The following AKNA variants were observed in gnomAD, a reference collection of about 807,000 sequenced individuals.
The protein encoded by AKNA is AT-hook transcription factor.
In AKNA, 67 loss-of-function variants were observed where a neutral mutation model predicts 138.8. The ratio of observed to expected loss-of-function variants is 0.48; its 90% CI spans 0.40 to 0.59. The LOEUF is 0.59. Ranked by LOEUF, AKNA falls within the 20% of genes least tolerant of loss-of-function variation. AKNA has a pLI of 0.00. For synonymous variants in AKNA, 737 were observed against 754.4 expected (o/e 0.98, Z 0.38); for missense variants, 1,813 against 1,880.4 (o/e 0.96, Z 0.66).
intron 15 of AKNA, among the ~76,000 whole-genome samples, chr9:114,349,405 A>G (rs1277153329): frequency 6.6e-6 from 1 of 152,110 alleles, no homozygotes; most frequent in Non-Finnish European, 1.5e-5. Flanking sequence ...ACATCCCTGA[A>G]GTTAATTAGT....
At chr9:114,388,692 T>A (rs1466421068), upstream of AKNA, among the ~76,000 whole-genome samples, 2 of 152,170 alleles carry the variant, frequency 1.3e-5, no homozygotes, top group African/African-American at 4.8e-5. Context: ...AGCCCCACCA[T>A]CCCATTCCTT....
chr9:114,342,875 AATGAATGAATGC>A (rs1021595762), intron 19 of AKNA, among the ~76,000 whole-genome samples: 6 of 149,868 alleles, frequency 4.0e-5, no homozygotes, highest in African/African-American at 7.6e-5. Flanking sequence ...TGAATGAATG[AATGAATGAATGC>A]ATGCAGGCAT....
At chr9:114,356,194 G>T (rs1283082257) in intron 13 of AKNA, 58 bp from the exon 14 acceptor site, 101 of 1,521,724 alleles carry the variant, frequency 6.6e-5, no homozygotes, top group Non-Finnish European at 8.7e-5. Flanking sequence ...ACACTCAGGC[G>T]GCAGCATCTG....
At chr9:114,333,992 A>G (rs1420176384), downstream of AKNA, among the ~76,000 whole-genome samples, 1 of 111,750 alleles carries the variant, frequency 8.9e-6, no homozygotes, top group Non-Finnish European at 1.9e-5. Context: ...TCATTGTTTA[A>G]AAGTGTGTAG....
chr9:114,359,468 T>G, intron 11 of AKNA, 126 bp downstream of exon 11: 17 of 1,555,384 alleles, frequency 1.1e-5, no homozygotes, highest in Non-Finnish European at 1.4e-5. Context: ...CATTCCACAC[T>G]TGAAGAGGCA....
In AKNA at chr9:114,337,012, T is replaced by TTGGGGGGGGGGGGGGGGGGGG; in HGVS notation, c.*41_*42insCCCCCCCCCCCCCCCCCCCCA. On this transcript the variant is annotated 3_prime_UTR_variant, in exon 22 of 22. Coordinates refer to ENST00000374088, the MANE Select transcript of AKNA (RefSeq NM_001317950.2). ...CCCACTCCTGGCCTGGCAGGCCACC[T>TTGGGGGGGGGGGGGGGGGGGG]GCCCACCCACCCACCCATCTGCCTC... 1.7e-5 allele frequency: 21 copies of TTGGGGGGGGGGGGGGGGGGGG among 1,208,216 alleles called. No individual in the cohort carries two copies. The highest frequency in any genetic ancestry group is 1.7e-5 in the Non-Finnish European group (16 of 929,344). 74.8% of individuals were successfully genotyped at this position (1,208,216 alleles called of 1,614,324 possible).
At chr9:114,341,213 G>C (rs1830319624) in intron 21 of AKNA, among the ~76,000 whole-genome samples, 1 of 152,160 alleles carries the variant, frequency 6.6e-6, no homozygotes, top group Non-Finnish European at 1.5e-5. Context: ...AAACCCATAA[G>C]GAAAATGGAA....
intron 17 of AKNA, 108 bp downstream of exon 17, chr9:114,346,561 A>C: frequency 1.2e-6 from 1 of 847,294 alleles, no homozygotes; most frequent in Non-Finnish European, 1.8e-6. Context: ...GATGCACAAA[A>C]ACCCTTCTCC....
At chr9:114,357,329 T>A (rs1248159934) in intron 12 of AKNA, among the ~76,000 whole-genome samples, 1 of 152,222 alleles carries the variant, frequency 6.6e-6, no homozygotes, top group Non-Finnish European at 1.5e-5. Flanking sequence ...TATGGTCTTA[T>A]CTGACAGTGG....
At chr9:114,352,372 C>T (rs1276324835) in intron 14 of AKNA, among the ~76,000 whole-genome samples, 1 of 151,864 alleles carries the variant, frequency 6.6e-6, no homozygotes, top group African/African-American at 2.4e-5. Context: ...CTGAGGCGGG[C>T]GGATCACTTG....
chr9:114,382,283 G>A (rs987856840), intron 1 of AKNA, among the ~76,000 whole-genome samples: 1 of 152,136 alleles, frequency 6.6e-6, no homozygotes, highest in Non-Finnish European at 1.5e-5. Context: ...TGAGAGGTGG[G>A]GGAGGATGAT....
intron 9 of AKNA, among the ~76,000 whole-genome samples, chr9:114,360,402 G>A (rs560493421): frequency 3.9e-5 from 6 of 152,280 alleles, no homozygotes; most frequent in African/African-American, 7.2e-5. Context: ...AAGGAGCAGA[G>A]TTGAGATTTA....
downstream of AKNA, among the ~76,000 whole-genome samples, chr9:114,332,871 A>T (rs1306987568): frequency 1.3e-5 from 2 of 152,158 alleles, no homozygotes; most frequent in East Asian, 1.9e-4. Context: ...CCCATTGTAG[A>T]GGCAAGTAAG....
At chr9:114,384,787 G>C (rs1199094896) in intron 1 of AKNA, among the ~76,000 whole-genome samples, 1 of 152,188 alleles carries the variant, frequency 6.6e-6, no homozygotes, top group Non-Finnish European at 1.5e-5. Flanking sequence ...TTTTGGGGGA[G>C]TTAAAAGTTA....
chr9:114,392,553 T>A (rs1456234858), upstream of AKNA, among the ~76,000 whole-genome samples: 5 of 152,254 alleles, frequency 3.3e-5, no homozygotes. Context: ...GTTCTTGGGA[T>A]GACGGATGAG....
chr9:114,372,969 G>GT (rs1429042471), intron 4 of AKNA, among the ~76,000 whole-genome samples: 1 of 137,824 alleles, frequency 7.3e-6, no homozygotes, highest in African/African-American at 2.9e-5. Flanking sequence ...CGCAGCGGGG[G>GT]GGGGGGGGGT....
At chr9:114,351,177 TCCAAA>T (rs1831094471) in intron 14 of AKNA, among the ~76,000 whole-genome samples, 156 bp from the exon 15 acceptor site, 1 of 152,084 alleles carries the variant, frequency 6.6e-6, no homozygotes, top group Admixed American at 6.5e-5. Flanking sequence ...CACACTGACC[TCCAAA>T]CCAGAAGATC....
chr9:114,367,969 C>T (rs191043345), intron 5 of AKNA, among the ~76,000 whole-genome samples: 244 of 152,386 alleles, frequency 1.6e-3, no homozygotes, highest in African/African-American at 5.4e-3. Flanking sequence ...CGTGGGCTCT[C>T]ACACAGGGAG....
intron 19 of AKNA, among the ~76,000 whole-genome samples, chr9:114,343,294 C>A (rs1005989114): frequency 6.6e-6 from 1 of 152,120 alleles, no homozygotes; most frequent in African/African-American, 2.4e-5. Flanking sequence ...AAGGAACTGG[C>A]CTAAGGTCAC....
Sources: gnomAD v4.1 joint callset for allele counts (sites outside exome capture counted in the v4.1 genomes callset) on GRCh38, gnomAD v4.1.1 for gene constraint, MANE v1.5 for transcripts, NCBI Gene and HGNC (gene_info 2026-07-23, HGNC 2026-07-21) for gene names.